LRCH2: variants seen among roughly 807,000 people sequenced by gnomAD.
LRCH2 encodes the protein leucine rich repeats and calponin homology domain containing 2, also known as leucine-rich repeat and calponin homology domain-containing protein 2.
A neutral mutation model predicts 68.9 loss-of-function variants in LRCH2; 38 were observed. The observed-to-expected ratio is 0.55, with a 90% CI of 0.43 to 0.72. The LOEUF (loss-of-function observed/expected upper bound fraction) is 0.72. LRCH2 is among the 30% of genes least tolerant of loss of function. The pLI, the probability that LRCH2 is intolerant of heterozygous loss-of-function variation, is 0.00. For missense variants in LRCH2, 528 were observed against 572.9 expected (o/e 0.92, Z 0.80); for synonymous variants, 191 against 208.1 (o/e 0.92, Z 0.71).
chrX:115,125,590 TATAC>T (rs2072188590), intron 16 of LRCH2, among the ~76,000 whole-genome samples: 1 of 23,084 alleles, frequency 4.3e-5, no homozygotes, highest in Non-Finnish European at 6.6e-5. Context: ...CACATATATA[TATAC>T]ACATATATAT....
rs781788066 is a variant in LRCH2 at position 115,126,890 on chromosome X, C to A, written c.1744G>T (p.Asp582Tyr). Reference sequence around the variant, plus strand: ...GTTGACATATTAGCATTATCACTGTCTTGCTAAAACATAAAAATAAAAAGA... The same window carrying A: ...GTTGACATATTAGCATTATCACTGTATTGCTAAAACATAAAAATAAAAAGA... ...SSSGNENDEQ[D>Y]SDNANMSTQS... The change falls in exon 16 of 21, where the codon GAC becomes TAC. Residue 582 changes from aspartate (D) to tyrosine (Y), a missense_variant. Transcript: ENST00000317135. 6.9e-6 allele frequency: 7 copies of A among 1,015,537 alleles called. No homozygotes were observed. The highest frequency in any genetic ancestry group is 5.2e-6 in the Non-Finnish European group (4 of 768,364). The allele number at this position is 1,015,537 out of a possible 1,213,427, so 83.7% of individuals were successfully genotyped here.
intron 14 of LRCH2, among the ~76,000 whole-genome samples, chrX:115,138,095 C>A (rs2072305330): frequency 9.1e-6 from 1 of 109,933 alleles, no homozygotes; most frequent in Admixed American, 9.7e-5. Flanking sequence ...CTCTGACCTT[C>A]TCCAGGCCCC....
At chrX:115,153,507 C>T (rs1290517264) in intron 12 of LRCH2, among the ~76,000 whole-genome samples, 7 of 110,510 alleles carry the variant, frequency 6.3e-5, no homozygotes, top group African/African-American at 2.3e-4. Context: ...GGATTGAACA[C>T]ATAAAAGACA....
rs1556523252 is a variant in LRCH2 at position 115,113,315 on chromosome X, A to T, written c.2199T>A (p.His733Gln). 8.4e-7 allele frequency: 1 copy of T among 1,192,606 alleles called. No individual in the cohort carries two copies. Among genetic ancestry groups the T allele is most frequent in the South Asian group, 1.9e-5 (1 of 52,942 alleles). Residue 733 changes from histidine (H) to glutamine (Q), a missense_variant, in exon 21 of 21, where the codon CAT becomes CAA. Physicochemically the swap from His to Gln is conservative, Grantham distance 24. Transcript: ENST00000317135. ...GVSQERLCLP[H>Q]HILEERGLVK... ...CAAGTCCTCGTTCTTCCAAAATATGATGAGGCAAACAAAGTCTTTCCTGGA... is the reference window on the plus strand; with the variant it reads ...CAAGTCCTCGTTCTTCCAAAATATGTTGAGGCAAACAAAGTCTTTCCTGGA...
Position 115,111,311 on chromosome X carries a change from C to T in LRCH2, c.*1905G>A, listed in dbSNP as rs1382570120. 1 of 110,635 alleles carries T rather than the reference C, an allele frequency of 9.0e-6. No homozygotes were observed. The highest frequency in any genetic ancestry group is 1.9e-5 in the Non-Finnish European group (1 of 52,881). 9.1% of individuals were successfully genotyped at this position (110,635 alleles called of 1,213,427 possible). ...GTTATAAGAAAATGGCCTACAATTT[C>T]ACTACTACTTCAAAGATATGAAACA... On this transcript the variant is annotated 3_prime_UTR_variant, in exon 21 of 21. Coordinates refer to ENST00000317135, the MANE Select transcript of LRCH2 (RefSeq NM_020871.4).
intron 1 of LRCH2, among the ~76,000 whole-genome samples, chrX:115,199,096 T>A (rs940688226): frequency 1.8e-5 from 2 of 111,664 alleles, no homozygotes; most frequent in Admixed American, 1.9e-4. Context: ...AACGTGGAAG[T>A]AAAAGCGATA....
intron 1 of LRCH2, among the ~76,000 whole-genome samples, chrX:115,188,882 G>A (rs1354616757): frequency 8.9e-6 from 1 of 112,190 alleles, no homozygotes; most frequent in African/African-American, 3.2e-5. Context: ...AGATGTATTT[G>A]ATATGCTTCA....
intron 6 of LRCH2, among the ~76,000 whole-genome samples, chrX:115,167,475 A>C (rs1321818470): frequency 9.1e-6 from 1 of 109,427 alleles, no homozygotes; most frequent in Non-Finnish European, 1.9e-5. Context: ...TCCTCGGTAA[A>C]GTTAGGAAAG....
chrX:115,189,990 G>A (rs782615702), intron 1 of LRCH2: 109 of 1,162,527 alleles, frequency 9.4e-5, no homozygotes, highest in Admixed American at 4.1e-4. Context: ...GGAAGGCACC[G>A]ACTGTGTCGG....
In LRCH2 at chrX:115,149,951, G is replaced by T; in HGVS notation, c.1579-8C>A. On this transcript the variant is annotated splice_region_variant and splice_polypyrimidine_tract_variant and intron_variant, in intron 13 of 20. Transcript: ENST00000317135. ...CTTCTGATTTTCTAAGGGCTATAAT[G>T]AGACAATTTATTTTAACTAAATAAA... 8.6e-7 allele frequency: 1 copy of T among 1,168,155 alleles called. No individual in the cohort carries two copies. The highest frequency in any genetic ancestry group is 1.2e-6 in the Non-Finnish European group (1 of 864,283).
rs147919921 is a variant in LRCH2, at chrX:115,184,008, C to T, written c.621+403G>A. 5.5e-3 allele frequency among the ~76,000 whole-genome samples: 622 copies of T among 112,231 alleles called. 2 individuals are homozygous for T. The highest frequency in any genetic ancestry group is 0.019 in the African/African-American group (579 of 30,941). On this transcript the variant is annotated intron_variant, in intron 3 of 20. Coordinates refer to ENST00000317135, the MANE Select transcript of LRCH2 (RefSeq NM_020871.4). The stretch of plus-strand genomic sequence containing the variant: ...CAAACAGTGAGGAAGAGTTATGTTG[C>T]TAATTCTGTTTGCAGACACTCTCTT...
Position 115,152,239 on chromosome X carries a change from CATAA to C in LRCH2, c.1530-2173_1530-2170del, listed in dbSNP as rs782452469. On this transcript the variant is annotated intron_variant, in intron 12 of 20. Transcript: ENST00000317135. ...TAGACTAAATGCTGCACTGGTCCCACATAAATAAATTATAAAACCAAGTCCCAAA... is the reference window on the plus strand; with the variant it reads ...TAGACTAAATGCTGCACTGGTCCCACATAAATTATAAAACCAAGTCCCAAA... 1.5e-3 allele frequency among the ~76,000 whole-genome samples: 171 copies of C among 111,364 alleles called. 2 individuals are homozygous for C. The highest frequency in any genetic ancestry group is 3.4e-3 in the Admixed American group (35 of 10,411).
intron 2 of LRCH2, among the ~76,000 whole-genome samples, chrX:115,185,728 A>C (rs1556554196): frequency 1.8e-5 from 2 of 111,331 alleles, no homozygotes; most frequent in Non-Finnish European, 3.8e-5. Flanking sequence ...AAAAAATGGC[A>C]ATGCCCCTCA....
In LRCH2 at chrX:115,233,701, G is replaced by A; in HGVS notation, c.341C>T (p.Thr114Ile). ...PGSGYDLTDT[T>I]QADLSRNRFT... ...TCCCCCCGTCCTGTCACCTGCTTGG[G>A]TGGTGTCCGTCAGGTCGTAGCCGCT... The change falls in exon 1 of 21, where the codon ACC becomes ATC. Residue 114 changes from threonine to isoleucine, a missense_variant. Physicochemically the swap from Thr to Ile is moderately conservative, Grantham distance 89. Coordinates refer to ENST00000317135, the MANE Select transcript of LRCH2 (RefSeq NM_020871.4). The A allele has an allele frequency of 8.7e-7, 1 of 1,155,596 alleles. No homozygotes were observed. The highest frequency in any genetic ancestry group is 1.2e-6 in the Non-Finnish European group (1 of 864,978).
intron 1 of LRCH2, among the ~76,000 whole-genome samples, chrX:115,225,050 T>C (rs2073110060): frequency 8.9e-6 from 1 of 112,353 alleles, no homozygotes; most frequent in Non-Finnish European, 1.9e-5. Flanking sequence ...TCCTTCCTTC[T>C]GACTGTGGGG....
intron 15 of LRCH2, among the ~76,000 whole-genome samples, chrX:115,127,965 C>T (rs1475232642): frequency 9.0e-6 from 1 of 111,142 alleles, no homozygotes; most frequent in Non-Finnish European, 1.9e-5. Context: ...CTGAAGGTTT[C>T]CAAGCAAGGG....
intron 1 of LRCH2, chrX:115,189,945 G>T (rs12848233): frequency 0.053 from 61,903 of 1,159,016 alleles, 1,361 homozygotes; most frequent in African/African-American, 0.14. Flanking sequence ...CCACGCCGTC[G>T]AGCCTGGCTC....
intron 5 of LRCH2, among the ~76,000 whole-genome samples, chrX:115,173,473 T>TA (rs112620809): frequency 1.4e-3 from 156 of 111,984 alleles, no homozygotes; most frequent in African/African-American, 4.6e-3. Flanking sequence ...GCTATTTAGA[T>TA]AAACTCCCTT....
At chrX:115,187,532 G>A (rs782143322) in intron 2 of LRCH2, among the ~76,000 whole-genome samples, 1 of 112,041 alleles carries the variant, frequency 8.9e-6, no homozygotes, top group South Asian at 3.7e-4. Flanking sequence ...ACCACTTGCT[G>A]AATATATCTA....
Sources: allele counts gnomAD v4.1 joint callset (sites outside exome capture counted in the v4.1 genomes callset), GRCh38; gene constraint gnomAD v4.1.1; transcripts MANE v1.5; gene names NCBI Gene and HGNC (gene_info 2026-07-23, HGNC 2026-07-21).